Variants in DOCK7 observed in about 807,000 individuals in gnomAD.
The protein encoded by DOCK7 is dedicator of cytokinesis protein 7.
In DOCK7, 138 loss-of-function variants were observed where a neutral mutation model predicts 271.0. The ratio of observed to expected loss-of-function variants is 0.51; its 90% CI spans 0.44 to 0.59. The LOEUF (loss-of-function observed/expected upper bound fraction) is 0.59. Among genes scored for constraint, DOCK7 ranks in the 20% least tolerant of loss-of-function variants. The probability of loss-of-function intolerance (pLI) is 0.00; values close to 1 mark genes in which losing one functional copy is unlikely to be tolerated. For missense variants in DOCK7, 2,066 were observed against 2,592.4 expected (o/e 0.80, Z 4.41); for synonymous variants, 823 against 876.1 (o/e 0.94, Z 1.07).
At chr1:62,553,350 ATATATTTTTTTTTTT>A (rs1646012101) in intron 21 of DOCK7, among the ~76,000 whole-genome samples, 16 of 14,870 alleles carry the variant, frequency 1.1e-3, no homozygotes, top group South Asian at 3.5e-3. Context: ...ATATATATAT[ATATATTTTTTTTTTT>A]TTTTTTTTTT....
intron 21 of DOCK7, among the ~76,000 whole-genome samples, chr1:62,553,836 C>A (rs555736576): frequency 8.2e-6 from 1 of 122,518 alleles, no homozygotes; most frequent in African/African-American, 2.6e-5. Flanking sequence ...CACACACAGA[C>A]GTGTGCGTGC....
At chr1:62,641,908 AAT>A (rs994531232) in intron 7 of DOCK7, among the ~76,000 whole-genome samples, 2 of 152,024 alleles carry the variant, frequency 1.3e-5, no homozygotes, top group African/African-American at 4.8e-5. Flanking sequence ...ATTATATCGT[AAT>A]ATATATTTTT....
intron 14 of DOCK7, among the ~76,000 whole-genome samples, chr1:62,599,864 T>A (rs1246350444): frequency 2.0e-5 from 3 of 150,956 alleles, no homozygotes; most frequent in African/African-American, 7.3e-5. Context: ...TATGTCAGAA[T>A]CCATGTATTC....
chr1:62,531,871 C>T (rs1434965975), intron 29 of DOCK7, among the ~76,000 whole-genome samples: 2 of 152,186 alleles, frequency 1.3e-5, no homozygotes, highest in Admixed American at 6.5e-5. Flanking sequence ...AGACATAATA[C>T]TAAGGCACTG....
intron 31 of DOCK7, chr1:62,516,715 T>A (rs1333607381): frequency 6.6e-6 from 1 of 152,218 alleles, no homozygotes; most frequent in Non-Finnish European, 1.5e-5. Flanking sequence ...GTCTACCACC[T>A]CAACAGGCCC....
intron 48 of DOCK7, among the ~76,000 whole-genome samples, chr1:62,467,043 A>G (rs1645700308): frequency 6.6e-6 from 1 of 152,234 alleles, no homozygotes; most frequent in Non-Finnish European, 1.5e-5. Flanking sequence ...CTCATTATAC[A>G]TGTACTTTAT....
intron 31 of DOCK7, among the ~76,000 whole-genome samples, chr1:62,517,920 C>G (rs777287958): frequency 1.3e-5 from 2 of 152,130 alleles, no homozygotes; most frequent in Non-Finnish European, 2.9e-5. Flanking sequence ...TTATCTGTAA[C>G]AGCCCGAAAC....
intron 14 of DOCK7, among the ~76,000 whole-genome samples, chr1:62,618,329 T>A (rs1557810054): frequency 6.6e-6 from 1 of 152,128 alleles, no homozygotes; most frequent in East Asian, 1.9e-4. Context: ...GAAAACATAG[T>A]AATTAGGAGT....
intron 1 of DOCK7, 29 bp downstream of exon 1, chr1:62,688,198 C>T (rs1473035137): frequency 7.3e-7 from 1 of 1,366,374 alleles, no homozygotes; most frequent in South Asian, 1.7e-5. Flanking sequence ...CGGGCGGCGG[C>T]GGCGGCGCGC....
intron 14 of DOCK7, chr1:62,602,010 A>C: frequency 1.6e-6 from 1 of 627,852 alleles, no homozygotes; most frequent in Non-Finnish European, 2.8e-6. Flanking sequence ...TCGTATAAAT[A>C]TAATACTTTT....
chr1:62,641,358 G>C (rs1419625818), intron 7 of DOCK7: 2 of 404,722 alleles, frequency 4.9e-6, no homozygotes, highest in African/African-American at 2.1e-5. Context: ...ACAACCTTGA[G>C]GGCAGCAGGA....
intron 22 of DOCK7, among the ~76,000 whole-genome samples, chr1:62,550,122 T>C (rs1645845225): frequency 6.6e-6 from 1 of 152,114 alleles, no homozygotes; most frequent in South Asian, 2.1e-4. Context: ...TTTTTCAAAA[T>C]GAGAAAAACA....
chr1:62,679,479 A>G (rs890877645), intron 1 of DOCK7, among the ~76,000 whole-genome samples: 1 of 152,232 alleles, frequency 6.6e-6, no homozygotes, highest in Non-Finnish European at 1.5e-5. Context: ...GAGGGGGATA[A>G]CAGCAAAATA....
intron 14 of DOCK7, chr1:62,602,453 A>T: frequency 7.5e-7 from 1 of 1,329,676 alleles, no homozygotes. Flanking sequence ...CTTATGGACC[A>T]GGTATTAGGA....
chr1:62,554,022 C>A (rs1015763800), intron 21 of DOCK7, among the ~76,000 whole-genome samples: 2 of 152,044 alleles, frequency 1.3e-5, no homozygotes, highest in African/African-American at 4.8e-5. Flanking sequence ...TAAATTAAAC[C>A]GTGTTTTATT....
At chr1:62,465,954 G>C (rs1483903149) in intron 48 of DOCK7, among the ~76,000 whole-genome samples, 2 of 152,188 alleles carry the variant, frequency 1.3e-5, no homozygotes, top group Non-Finnish European at 2.9e-5. Flanking sequence ...AAAAAGTGAA[G>C]TCATTACACG....
intron 14 of DOCK7, chr1:62,609,646 A>C (rs1467503813): frequency 6.6e-6 from 1 of 152,148 alleles, no homozygotes; most frequent in Non-Finnish European, 1.5e-5. Flanking sequence ...ACGCTTCCTA[A>C]CTGAACATAT....
chr1:62,480,884 C>T (rs1045764501), intron 43 of DOCK7, among the ~76,000 whole-genome samples: 1 of 152,044 alleles, frequency 6.6e-6, no homozygotes, highest in African/African-American at 2.4e-5. Flanking sequence ...TGGCGGGTGC[C>T]CGCAGTCCCA....
intron 1 of DOCK7, among the ~76,000 whole-genome samples, chr1:62,686,755 T>G (rs1661804014): frequency 6.6e-6 from 1 of 151,898 alleles, no homozygotes; most frequent in Admixed American, 6.6e-5. Flanking sequence ...TTGGCCAAAG[T>G]CCCAAGCTAG....
Sources: gnomAD v4.1 joint callset for allele counts (sites outside exome capture counted in the v4.1 genomes callset) on GRCh38, gnomAD v4.1.1 for gene constraint, MANE v1.5 for transcripts, NCBI Gene and HGNC (gene_info 2026-07-23, HGNC 2026-07-21) for gene names.